The following MYH15 variants were observed in gnomAD, a reference collection of about 807,000 sequenced individuals.
MYH15 encodes the protein myosin-15.
A neutral mutation model predicts 240.5 loss-of-function variants in MYH15; 227 were observed. The observed-to-expected ratio is 0.94, with a 90% CI of 0.85 to 1.05. MYH15 has a LOEUF of 1.05. MYH15 is among the 50% of genes least tolerant of loss of function. The probability of loss-of-function intolerance (pLI) is 0.00; values close to 1 mark genes in which losing one functional copy is unlikely to be tolerated. For synonymous variants in MYH15, 785 were observed against 796.7 expected (o/e 0.99, Z 0.25); for missense variants, 2,217 against 2,247.5 (o/e 0.99, Z 0.27).
chr3:108,507,142 C>CATTTTCTT (rs1334129887), intron 1 of MYH15, among the ~76,000 whole-genome samples: 45 of 150,922 alleles, frequency 3.0e-4, no homozygotes, highest in African/African-American at 1.0e-3. Flanking sequence ...GGAGTTGGCT[C>CATTTTCTT]ATTTTCTTTT....
chr3:108,424,386 T>C (rs1282023436), intron 27 of MYH15, among the ~76,000 whole-genome samples: 1 of 152,232 alleles, frequency 6.6e-6, no homozygotes, highest in African/African-American at 2.4e-5. Flanking sequence ...AGATTGTTTA[T>C]CTAACAGTGG....
At chr3:108,427,635 C>CACACAG (rs570359637) in intron 27 of MYH15, among the ~76,000 whole-genome samples, 49 of 146,616 alleles carry the variant, frequency 3.3e-4, no homozygotes, top group Non-Finnish European at 4.3e-4. Flanking sequence ...CACACACACA[C>CACACAG]AGAGAGAGAG....
the MYH15 span, among the ~76,000 whole-genome samples, chr3:108,547,955 T>C: frequency 2.0e-5 from 3 of 152,150 alleles, no homozygotes; most frequent in East Asian, 3.8e-4. Flanking sequence ...TTTGTATTGG[T>C]GCATGCAAAG....
At chr3:108,430,572 T>C (rs769773243) in intron 26 of MYH15, among the ~76,000 whole-genome samples, 92 of 152,166 alleles carry the variant, frequency 6.0e-4, no homozygotes, top group Non-Finnish European at 1.2e-3. Context: ...AAAAACAAGT[T>C]TTGGATTTTA....
intron 33 of MYH15, among the ~76,000 whole-genome samples, chr3:108,404,505 T>C (rs953141319): frequency 6.6e-6 from 1 of 152,196 alleles, no homozygotes; most frequent in African/African-American, 2.4e-5. Context: ...GTGAAGTGCT[T>C]TGCCAACATC....
At position 108,410,922 on chromosome 3, in the gene MYH15, C is replaced by G. The variant is rs772650447; in HGVS notation, c.4156G>C (p.Ala1386Pro). The G allele has an allele frequency of 6.3e-7, 1 of 1,595,050 alleles. No individual in the cohort carries two copies. Reference protein sequence around the residue: ...EDLEDAKKELAIRLQEAAEAM... With the variant: ...EDLEDAKKELPIRLQEAAEAM... ...TCGGCTGCCTCCTGCAATCTAATTG[C>G]CAGTTCCTTCCTGAGAAAGGAGGAC... The change falls in exon 31 of 41, where the codon GCA becomes CCA. Residue 1386 changes from alanine (A) to proline (P), a missense_variant. Transcript: ENST00000693548.
chr3:108,498,463 A>C (rs1405915690), intron 5 of MYH15, among the ~76,000 whole-genome samples: 2 of 152,164 alleles, frequency 1.3e-5, no homozygotes, highest in African/African-American at 2.4e-5. Flanking sequence ...AAGTCTCCTC[A>C]TTACCAGCTG....
chr3:108,524,748 C>T (rs971432158), intron 1 of MYH15, among the ~76,000 whole-genome samples: 2 of 151,994 alleles, frequency 1.3e-5, no homozygotes, highest in South Asian at 2.1e-4. Context: ...GACTTAAATA[C>T]GGCAGAAGTT....
chr3:108,435,720 A>T (rs1015791869), intron 25 of MYH15, among the ~76,000 whole-genome samples: 9 of 149,650 alleles, frequency 6.0e-5, no homozygotes, highest in African/African-American at 2.2e-4. Context: ...ATGTATGTAT[A>T]CAGATGTATG....
At chr3:108,382,099 T>C (rs905758229) in intron 40 of MYH15, among the ~76,000 whole-genome samples, 2 of 152,206 alleles carry the variant, frequency 1.3e-5, no homozygotes, top group African/African-American at 4.8e-5. Context: ...TTGAAGGCCC[T>C]TCAACCTCCT....
At chr3:108,406,751 G>T (rs924300474) in intron 32 of MYH15, among the ~76,000 whole-genome samples, 1 of 152,144 alleles carries the variant, frequency 6.6e-6, no homozygotes. Flanking sequence ...GAGAAAATGC[G>T]AATAGAATGT....
chr3:108,391,946 A>C lies in MYH15; in HGVS notation c.5260-16T>G. The C allele has an allele frequency of 6.2e-7, 1 of 1,612,716 alleles. No homozygotes were observed. Among genetic ancestry groups the C allele is most frequent in the East Asian group, 2.2e-5 (1 of 44,878 alleles). ...AGTTTGCTGCCTAGGGGGTTAAAAA[A>C]AGGGACTGAGCTAGTTCAGCAGTCA... is the stretch of plus-strand genomic sequence containing the variant. On this transcript the variant is annotated splice_polypyrimidine_tract_variant and intron_variant, in intron 36 of 40. Coordinates refer to ENST00000693548, the MANE Select transcript of MYH15 (RefSeq NM_014981.3).
At chr3:108,479,270 A>G (rs184709811) in intron 11 of MYH15, among the ~76,000 whole-genome samples, 87 of 152,304 alleles carry the variant, frequency 5.7e-4, no homozygotes, top group Admixed American at 9.8e-4. Flanking sequence ...TTGTGAATGA[A>G]CCCATGGACT....
chr3:108,450,582 C>T (rs902967389), intron 21 of MYH15, among the ~76,000 whole-genome samples: 13 of 152,118 alleles, frequency 8.5e-5, no homozygotes, highest in Middle Eastern at 3.2e-3. Context: ...AAGGACACAA[C>T]GTTTCACTTA....
chr3:108,504,842 C>A lies in MYH15; in HGVS notation c.195+881G>T, dbSNP rs533668974. On this transcript the variant is annotated intron_variant, in intron 2 of 40. Coordinates refer to ENST00000693548, the MANE Select transcript of MYH15 (RefSeq NM_014981.3). ...AAGGGGCTGGCGGGTATTATGGCTT[C>A]ACTACACATTTCTTCTGTGAACCTT... 2.5e-3 allele frequency among the ~76,000 whole-genome samples: 388 copies of A among 152,304 alleles called. 2 individuals are homozygous for A. Among genetic ancestry groups the A allele is most frequent in the Middle Eastern group, 3.4e-3 (1 of 294 alleles).
At chr3:108,550,226 TAA>T in the MYH15 span, 1 of 151,558 alleles carries the variant, frequency 6.6e-6, no homozygotes, top group South Asian at 2.1e-4. Flanking sequence ...TTAAAAAAAA[TAA>T]AGATATTTAA....
intron 1 of MYH15, among the ~76,000 whole-genome samples, chr3:108,516,904 T>G (rs1275272862): frequency 6.6e-6 from 1 of 152,200 alleles, no homozygotes; most frequent in Non-Finnish European, 1.5e-5. Context: ...CAATGGAGTT[T>G]ACACTCCTAG....
chr3:108,389,141 CA>C, intron 37 of MYH15, 67 bp from the exon 38 acceptor site: 2 of 1,395,254 alleles, frequency 1.4e-6, no homozygotes, highest in Non-Finnish European at 2.0e-6. Context: ...TGCTGATTGG[CA>C]CAATCATTTG....
intron 1 of MYH15, among the ~76,000 whole-genome samples, chr3:108,516,410 A>G (rs1383649691): frequency 6.6e-6 from 1 of 152,214 alleles, no homozygotes; most frequent in Non-Finnish European, 1.5e-5. Context: ...TCAACAGCTG[A>G]AGGGAAGAAT....
Sources: allele counts gnomAD v4.1 joint callset (sites outside exome capture counted in the v4.1 genomes callset), GRCh38; gene constraint gnomAD v4.1.1; transcripts MANE v1.5; gene names NCBI Gene and HGNC (gene_info 2026-07-23, HGNC 2026-07-21).